Variants in FBLN7 observed in about 807,000 individuals in gnomAD.
FBLN7 encodes the protein fibulin-7.
A neutral mutation model predicts 44.0 loss-of-function variants in FBLN7; 31 were observed. The ratio of observed to expected loss-of-function variants is 0.70; its 90% CI spans 0.53 to 0.95. FBLN7 has a LOEUF of 0.95. Among genes scored for constraint, FBLN7 ranks in the 40% least tolerant of loss-of-function variants. The pLI, the probability that FBLN7 is intolerant of heterozygous loss-of-function variation, is 0.00. For synonymous variants in FBLN7, 262 were observed against 253.4 expected (o/e 1.03, Z -0.32); for missense variants, 573 against 618.5 (o/e 0.93, Z 0.78).
chr2:112,232,633 G>T, the FBLN7 span, among the ~76,000 whole-genome samples: 14 of 152,216 alleles, frequency 9.2e-5, no homozygotes, highest in South Asian at 2.9e-3. Context: ...TGGATCCTTT[G>T]TACATTAGAC....
At chr2:112,152,684 G>C (rs1475605804) in intron 1 of FBLN7, 2 of 152,174 alleles carry the variant, frequency 1.3e-5, no homozygotes, top group Non-Finnish European at 2.9e-5. Context: ...GTCCCCTGAG[G>C]AGGGAGTTGG....
At chr2:112,160,856 A>ACGCACACGCGCACACGCACG (rs1681830287) in intron 2 of FBLN7, among the ~76,000 whole-genome samples, 1 of 151,690 alleles carries the variant, frequency 6.6e-6, no homozygotes, top group Non-Finnish European at 1.5e-5. Context: ...GCGCACACAC[A>ACGCACACGCGCACACGCACG]CACACACACA....
chr2:112,190,274 C>T (rs1040926849), downstream of FBLN7: 1 of 152,154 alleles, frequency 6.6e-6, no homozygotes, highest in Non-Finnish European at 1.5e-5. Flanking sequence ...CTGATGTTAG[C>T]CCCCGCAGAT....
chr2:112,209,371 C>T, the FBLN7 span, among the ~76,000 whole-genome samples: 1 of 152,122 alleles, frequency 6.6e-6, no homozygotes, highest in African/African-American at 2.4e-5. Context: ...AATTCCAGCT[C>T]AATCATTTGC....
At chr2:112,149,238 C>T (rs1349798218) in intron 1 of FBLN7, among the ~76,000 whole-genome samples, 1 of 152,176 alleles carries the variant, frequency 6.6e-6, no homozygotes, top group Non-Finnish European at 1.5e-5. Context: ...ATTTCTGGCC[C>T]TGGGGGCATT....
chr2:112,239,579 C>CTTT, the FBLN7 span, among the ~76,000 whole-genome samples: 7,178 of 85,856 alleles, frequency 0.084, 520 homozygotes, highest in Non-Finnish European at 0.12. Flanking sequence ...TAACAGTTTA[C>CTTT]TTTTTTTTTT....
At chr2:112,235,164 T>C in the FBLN7 span, among the ~76,000 whole-genome samples, 2 of 152,282 alleles carry the variant, frequency 1.3e-5, no homozygotes, top group Non-Finnish European at 2.9e-5. Context: ...AATTTTTGCA[T>C]ACAGTTTTAG....
the FBLN7 span, among the ~76,000 whole-genome samples, chr2:112,217,613 T>C: frequency 5.9e-5 from 9 of 152,228 alleles, no homozygotes; most frequent in Non-Finnish European, 1.3e-4. Flanking sequence ...TTTCATTATA[T>C]AGTAGAGTGT....
intron 3 of FBLN7, among the ~76,000 whole-genome samples, chr2:112,172,628 T>G (rs892955991): frequency 3.5e-5 from 3 of 86,430 alleles, no homozygotes; most frequent in African/African-American, 1.5e-4. Context: ...TTTTTCTTTC[T>G]TTTTTTTTTT....
the FBLN7 span, among the ~76,000 whole-genome samples, chr2:112,221,162 T>C: frequency 1.3e-5 from 2 of 152,202 alleles, no homozygotes; most frequent in Non-Finnish European, 2.9e-5. Context: ...TTTGATATGG[T>C]TTGAATCTGT....
At chr2:112,155,248 A>G (rs551650220) in intron 1 of FBLN7, among the ~76,000 whole-genome samples, 12 of 152,110 alleles carry the variant, frequency 7.9e-5, no homozygotes, top group Non-Finnish European at 1.5e-4. Flanking sequence ...ATGTCTTGGT[A>G]TGTAAGGATT....
At chr2:112,223,303 T>A in the FBLN7 span, among the ~76,000 whole-genome samples, 132 of 152,166 alleles carry the variant, frequency 8.7e-4, no homozygotes, top group African/African-American at 2.9e-3. Context: ...GAAGGAATAA[T>A]AAATCTATAT....
the FBLN7 span, among the ~76,000 whole-genome samples, chr2:112,200,169 C>T: frequency 3.5e-4 from 54 of 152,318 alleles, no homozygotes; most frequent in African/African-American, 1.2e-3. Context: ...CTCAAGCAAC[C>T]AGTGCTCTCA....
chr2:112,203,949 A>G, the FBLN7 span, among the ~76,000 whole-genome samples: 2 of 152,192 alleles, frequency 1.3e-5, no homozygotes, highest in Non-Finnish European at 2.9e-5. Flanking sequence ...AAAATGTGGG[A>G]ATTGTGGGAG....
rs2104615796 is a variant in FBLN7 at position 112,188,101 on chromosome 2, G to A, written c.*595G>A. On this transcript the variant is annotated 3_prime_UTR_variant, in exon 8 of 8. Transcript: ENST00000331203. ...CCCCACGCAGATCCTTCTAGACCAA[G>A]GACCCATTGTTAAAAGCATGGATTC... The A allele has an allele frequency of 6.5e-6, 1 of 153,350 alleles. No homozygotes were observed. The highest frequency in any genetic ancestry group is 2.4e-5 in the African/African-American group (1 of 41,574). The allele number at this position is 153,350 out of a possible 1,614,324, so 9.5% of individuals were successfully genotyped here. A position where few individuals can be genotyped will look rare whatever the true frequency, so the allele number is the denominator to read the frequency against.
At chr2:112,160,975 C>T (rs1681840818) in intron 2 of FBLN7, among the ~76,000 whole-genome samples, 1 of 152,138 alleles carries the variant, frequency 6.6e-6, no homozygotes, top group African/African-American at 2.4e-5. Flanking sequence ...AGTACCAGGA[C>T]GGTTGGGAGG....
chr2:112,159,709 A>C lies in FBLN7; in HGVS notation c.109A>C (p.Ile37Leu). ...CAGCAAACAGCAGCTCCTCTCGGCC[A>C]TCCGCCAGCTGCAGCAGCTGCTGAA... ...CLSKQQLLSAIRQLQQLLKGQ... is the reference protein window; with the variant it reads ...CLSKQQLLSALRQLQQLLKGQ... The change falls in exon 2 of 8, where the codon ATC becomes CTC. Residue 37 changes from isoleucine (I) to leucine (L), a missense_variant. By Grantham distance (5) the Ile-to-Leu change is conservative. Transcript: ENST00000331203. 6.3e-7 allele frequency: 1 copy of C among 1,578,610 alleles called. No homozygotes were observed. The highest frequency in any genetic ancestry group is 1.1e-5 in the South Asian group (1 of 87,292).
intron 1 of FBLN7, among the ~76,000 whole-genome samples, chr2:112,155,706 C>T (rs1681376126): frequency 6.6e-6 from 1 of 152,234 alleles, no homozygotes; most frequent in Non-Finnish European, 1.5e-5. Context: ...GGGGAGAAAG[C>T]AGCTGGCGCC....
intron 2 of FBLN7, among the ~76,000 whole-genome samples, chr2:112,160,770 GCAGACGCACACGCACGCACACGCA>G (rs1558880242): frequency 2.8e-5 from 1 of 36,110 alleles, no homozygotes; most frequent in Non-Finnish European, 6.4e-5. Flanking sequence ...GCACGCACAC[GCAGACGCACACGCACGCACACGCA>G]CACACGCACG....
Sources: gnomAD v4.1 joint callset for allele counts (sites outside exome capture counted in the v4.1 genomes callset) on GRCh38, gnomAD v4.1.1 for gene constraint, MANE v1.5 for transcripts, NCBI Gene and HGNC (gene_info 2026-07-23, HGNC 2026-07-21) for gene names.